KIT: variants seen among roughly 807,000 people sequenced by gnomAD.
KIT encodes the protein KIT proto-oncogene, receptor tyrosine kinase.
KIT carries 16 observed loss-of-function variants against 105.7 expected under a neutral mutation model. That is an observed-to-expected ratio of 0.15 (90% CI 0.10 to 0.23). KIT has a LOEUF of 0.23. Among genes scored for constraint, KIT ranks in the 10% least tolerant of loss-of-function variants. The probability of loss-of-function intolerance (pLI) is 1.00; values close to 1 mark genes in which losing one functional copy is unlikely to be tolerated. For synonymous variants in KIT, 438 were observed against 441.1 expected, an observed-to-expected ratio of 0.99 and a Z score of 0.09; for missense variants, 858 against 1,213.8, an observed-to-expected ratio of 0.71 and a Z score of 4.36.
At chr4:54,668,747 A>G (rs1449752843) in intron 1 of KIT, among the ~76,000 whole-genome samples, 2 of 152,232 alleles carry the variant, frequency 1.3e-5, no homozygotes, top group East Asian at 3.8e-4. Flanking sequence ...CTACTTGGCT[A>G]GTGCACACTT....
intron 13 of KIT, among the ~76,000 whole-genome samples, chr4:54,729,027 A>G (rs554366046): frequency 6.6e-6 from 1 of 152,312 alleles, no homozygotes; most frequent in Non-Finnish European, 1.5e-5. Context: ...TTCACGTAGG[A>G]AGCTTGATAA....
chr4:54,662,683 C>G (rs898817136), intron 1 of KIT, among the ~76,000 whole-genome samples: 4 of 152,128 alleles, frequency 2.6e-5, no homozygotes, highest in Admixed American at 1.3e-4. Context: ...AGCGATTCTC[C>G]TGCCTCAGCC....
Position 54,731,910 on chromosome 4 carries a change from A to G in KIT, c.2273A>G (p.Glu758Gly), listed in dbSNP as rs749166896. Residue 758 changes from glutamate to glycine, a missense_variant, in exon 16 of 21, where the codon GAG becomes GGG. Glu to Gly is a moderately conservative substitution (Grantham distance 98, BLOSUM62 -2). Coordinates refer to ENST00000288135, the MANE Select transcript of KIT (RefSeq NM_000222.3). ...AGAGATGTGACTCCCGCCATCATGG[A>G]GGATGACGAGTTGGCCCTAGACTTA... ...IERDVTPAIM[E>G]DDELALDLED... 14 of 1,613,688 alleles carry G rather than the reference A, an allele frequency of 8.7e-6. No individual in the cohort carries two copies. The highest frequency in any genetic ancestry group is 1.2e-5 in the Non-Finnish European group (14 of 1,179,672).
At chr4:54,731,201 A>T in intron 14 of KIT, 127 bp from the exon 15 acceptor site, 1 of 738,768 alleles carries the variant, frequency 1.4e-6, no homozygotes, top group Non-Finnish European at 2.5e-6. Flanking sequence ...TTCAAACTTT[A>T]CATGACTTTC....
chr4:54,664,690 C>T (rs1168586753), intron 1 of KIT, among the ~76,000 whole-genome samples: 1 of 151,954 alleles, frequency 6.6e-6, no homozygotes, highest in Non-Finnish European at 1.5e-5. Flanking sequence ...TCACCGCAGC[C>T]TCCACCTCCT....
At chr4:54,732,090 G>A in intron 16 of KIT, 92 bp downstream of exon 16, 1 of 1,358,324 alleles carries the variant, frequency 7.4e-7, no homozygotes, top group Non-Finnish European at 9.9e-7. Context: ...GCATTTTAGA[G>A]CCATAGTTAA....
chr4:54,726,162 A>G, intron 9 of KIT, 112 bp downstream of exon 9: 4 of 830,920 alleles, frequency 4.8e-6, no homozygotes, highest in Non-Finnish European at 4.0e-6. Context: ...TAATACATGC[A>G]TCACACCATA....
chr4:54,700,718 T>C (rs896964159), intron 4 of KIT, among the ~76,000 whole-genome samples: 8 of 152,236 alleles, frequency 5.3e-5, no homozygotes, highest in African/African-American at 1.9e-4. Context: ...GGCAATTTTA[T>C]GCCTGTTTAA....
chr4:54,664,666 G>T (rs1717552252), intron 1 of KIT, among the ~76,000 whole-genome samples: 1 of 151,674 alleles, frequency 6.6e-6, no homozygotes, highest in African/African-American at 2.4e-5. Context: ...GGAGTGCAGT[G>T]GCACGATCAT....
At chr4:54,718,600 A>G (rs1031760138) in intron 7 of KIT, among the ~76,000 whole-genome samples, 2 of 152,206 alleles carry the variant, frequency 1.3e-5, no homozygotes, top group Admixed American at 6.5e-5. Context: ...GAAAGACCTT[A>G]TGGCCCACAA....
At chr4:54,730,064 C>A (rs889506113) in intron 14 of KIT, among the ~76,000 whole-genome samples, 1 of 152,152 alleles carries the variant, frequency 6.6e-6, no homozygotes, top group Non-Finnish European at 1.5e-5. Context: ...ACATTATTCT[C>A]ATCTCTTTCA....
chr4:54,665,672 G>A (rs1717639300), intron 1 of KIT, among the ~76,000 whole-genome samples: 2 of 152,194 alleles, frequency 1.3e-5, no homozygotes, highest in Non-Finnish European at 2.9e-5. Context: ...TGGAAATAAA[G>A]CCAAGAGGAG....
At chr4:54,675,774 T>A (rs768883813) in intron 1 of KIT, among the ~76,000 whole-genome samples, 4 of 152,192 alleles carry the variant, frequency 2.6e-5, no homozygotes, top group Non-Finnish European at 5.9e-5. Flanking sequence ...TTTCACTCAC[T>A]ACAAATGGCA....
At chr4:54,693,950 T>G (rs527699626) in intron 1 of KIT, among the ~76,000 whole-genome samples, 3 of 152,322 alleles carry the variant, frequency 2.0e-5, no homozygotes, top group African/African-American at 7.2e-5. Context: ...TCTCATTACT[T>G]CTGCCTGCGA....
At chr4:54,700,141 GAA>G (rs1363312210) in intron 4 of KIT, among the ~76,000 whole-genome samples, 1 of 152,092 alleles carries the variant, frequency 6.6e-6, no homozygotes, top group African/African-American at 2.4e-5. Context: ...TTAAAATATT[GAA>G]AAGAGTTGCC....
chr4:54,729,203 T>C (rs1003991055), intron 13 of KIT, 132 bp from the exon 14 acceptor site: 2 of 890,472 alleles, frequency 2.2e-6, no homozygotes, highest in African/African-American at 3.3e-5. Context: ...TATGGGATTG[T>C]ATTGGGACTA....
intron 7 of KIT, among the ~76,000 whole-genome samples, chr4:54,716,035 TA>T (rs936512911): frequency 6.6e-6 from 1 of 152,132 alleles, no homozygotes; most frequent in Non-Finnish European, 1.5e-5. Flanking sequence ...TTCCATTTTT[TA>T]AAAAAATAGT....
chr4:54,740,557 T>G lies in KIT; in HGVS notation c.*2000T>G, dbSNP rs1449726501. 5 of 233,024 alleles carry G rather than the reference T, an allele frequency of 2.1e-5. No homozygotes were observed. In the Admixed American group the frequency reaches 2.8e-4, roughly 13 times the overall value. 14.4% of individuals were successfully genotyped at this position (233,024 alleles called of 1,614,324 possible). A position where few individuals can be genotyped will look rare whatever the true frequency, so the allele number is the denominator to read the frequency against. On this transcript the variant is annotated 3_prime_UTR_variant, in exon 21 of 21. Transcript: ENST00000288135. ...TTTTGAATATTCCCAAGCCCATGAG[T>G]CCTTGAAAATATTTTTTATATATAC...
At chr4:54,723,252 G>A (rs539616911) in intron 7 of KIT, among the ~76,000 whole-genome samples, 58 of 152,208 alleles carry the variant, frequency 3.8e-4, no homozygotes, top group African/African-American at 1.3e-3. Flanking sequence ...ATTTTTACCT[G>A]TGGAACACTT....
Sources: allele counts gnomAD v4.1 joint callset (sites outside exome capture counted in the v4.1 genomes callset), GRCh38; gene constraint gnomAD v4.1.1; transcripts MANE v1.5; gene names NCBI Gene and HGNC (gene_info 2026-07-23, HGNC 2026-07-21).